Variants in C12orf42 observed in about 807,000 individuals in gnomAD.
C12orf42 encodes chromosome 12 open reading frame 42, also known as uncharacterized protein C12orf42.
Under a neutral mutation model 21.6 loss-of-function variants are expected in C12orf42, and 25 were observed. The ratio of observed to expected loss-of-function variants is 1.16; its 90% CI spans 0.84 to 1.62. The LOEUF (loss-of-function observed/expected upper bound fraction) is 1.62, where lower values mean the gene tolerates loss of function less well. Ranked by LOEUF, C12orf42 falls within the 40% of genes most tolerant of loss-of-function variation. The probability of loss-of-function intolerance (pLI) is 0.00; values close to 1 mark genes in which losing one functional copy is unlikely to be tolerated. For missense variants in C12orf42, 483 were observed against 459.3 expected, an observed-to-expected ratio of 1.05 and a Z score of -0.47; for synonymous variants, 174 against 175.0, an observed-to-expected ratio of 0.99 and a Z score of 0.05.
the C12orf42 span, among the ~76,000 whole-genome samples, chr12:103,145,569 C>T: frequency 1.3e-5 from 2 of 152,196 alleles, no homozygotes; most frequent in Admixed American, 1.3e-4. Context: ...TTTGACATTA[C>T]GTATCAAAAG....
the C12orf42 span, among the ~76,000 whole-genome samples, chr12:103,220,856 C>T: frequency 3.9e-5 from 6 of 152,270 alleles, no homozygotes; most frequent in East Asian, 1.2e-3. Flanking sequence ...TGAACAATTG[C>T]TCAAGGAAGA....
Position 103,306,219 on chromosome 12 carries a change from G to A in C12orf42, c.386C>T (p.Ser129Phe). The A allele has an allele frequency of 6.2e-7, 1 of 1,613,954 alleles. No homozygotes were observed. Residue 129 changes from serine (S) to phenylalanine (F), a missense_variant, in exon 5 of 6, where the codon TCC becomes TTC. Physicochemically the swap from Ser to Phe is radical, Grantham distance 155. Transcript: ENST00000548883. ...FDEESYEEFR[S>F]SPAPSSETDE... Reference sequence around the variant, plus strand: ...AGTTTCACTGGATGGTGCTGGAGAGGAACGGAATTCTTCATAGCTTTCTTC... The same window carrying A: ...AGTTTCACTGGATGGTGCTGGAGAGAAACGGAATTCTTCATAGCTTTCTTC...
intron 2 of C12orf42, among the ~76,000 whole-genome samples, chr12:103,465,784 T>G (rs569923089): frequency 2.6e-4 from 39 of 152,306 alleles, no homozygotes; most frequent in African/African-American, 9.1e-4. Context: ...AATACCTAGT[T>G]TATTGAGAGT....
chr12:103,483,241 T>C (rs1225748869), intron 1 of C12orf42, among the ~76,000 whole-genome samples: 1 of 152,128 alleles, frequency 6.6e-6, no homozygotes, highest in African/African-American at 2.4e-5. Flanking sequence ...TGTAGGTTAA[T>C]CAGTTGTAGC....
chr12:103,209,622 T>C, the C12orf42 span, among the ~76,000 whole-genome samples: 1 of 152,186 alleles, frequency 6.6e-6, no homozygotes, highest in Non-Finnish European at 1.5e-5. Context: ...AGACACAGAA[T>C]TAGGACCGTT....
intron 10 of C12orf42, among the ~76,000 whole-genome samples, chr12:103,258,904 A>T (rs2034751637): frequency 6.6e-6 from 1 of 152,192 alleles, no homozygotes; most frequent in Non-Finnish European, 1.5e-5. Context: ...CGTCAAATTT[A>T]TCTGTCAATT....
At chr12:103,371,639 A>G (rs114833564) in intron 3 of C12orf42, among the ~76,000 whole-genome samples, 2,992 of 152,232 alleles carry the variant, frequency 0.02, 87 homozygotes, top group African/African-American at 0.067. Context: ...AGGGCTTGAG[A>G]GAAAGTGAGA....
downstream of C12orf42, among the ~76,000 whole-genome samples, chr12:103,234,944 C>A (rs114132334): frequency 9.1e-3 from 1,387 of 152,178 alleles, 26 homozygotes; most frequent in African/African-American, 0.032. Context: ...GTAGTCCCAA[C>A]ATTACCGAGG....
chr12:103,436,241 C>G (rs1950698632), intron 2 of C12orf42, among the ~76,000 whole-genome samples: 1 of 149,870 alleles, frequency 6.7e-6, no homozygotes, highest in African/African-American at 2.5e-5. Context: ...TAAAAGAGCT[C>G]CTGAAGGAAG....
the C12orf42 span, among the ~76,000 whole-genome samples, chr12:103,534,493 AC>A: frequency 6.6e-6 from 1 of 152,092 alleles, no homozygotes; most frequent in Non-Finnish European, 1.5e-5. Context: ...TTCACTCCCA[AC>A]CTTGTGTCAC....
At chr12:103,219,055 G>C in the C12orf42 span, among the ~76,000 whole-genome samples, 1 of 152,138 alleles carries the variant, frequency 6.6e-6, no homozygotes, top group Non-Finnish European at 1.5e-5. Context: ...TGGAATGCCA[G>C]GGAGACAGAA....
the C12orf42 span, among the ~76,000 whole-genome samples, chr12:103,197,001 G>T: frequency 5.0e-4 from 76 of 152,230 alleles, no homozygotes; most frequent in Admixed American, 9.2e-4. Context: ...TATAGTTGAT[G>T]TATAGTGTCA....
At chr12:103,205,744 G>A in the C12orf42 span, among the ~76,000 whole-genome samples, 1 of 152,082 alleles carries the variant, frequency 6.6e-6, no homozygotes. Context: ...AGTACAATGG[G>A]TGAATTGGGG....
At chr12:103,199,096 T>C in the C12orf42 span, among the ~76,000 whole-genome samples, 31 of 152,168 alleles carry the variant, frequency 2.0e-4, no homozygotes, top group African/African-American at 7.5e-4. Context: ...ACAGTGTGGT[T>C]CTGGTGGCAA....
chr12:103,256,106 A>G (rs1164050145), intron 10 of C12orf42, among the ~76,000 whole-genome samples: 1 of 38,744 alleles, frequency 2.6e-5, no homozygotes, highest in Non-Finnish European at 5.4e-5. Context: ...ATATATATAT[A>G]TATATACACA....
At chr12:103,152,967 G>A in the C12orf42 span, among the ~76,000 whole-genome samples, 3 of 152,078 alleles carry the variant, frequency 2.0e-5, no homozygotes, top group Non-Finnish European at 4.4e-5. Flanking sequence ...AACTCCAGCA[G>A]TTTTTACTTT....
At chr12:103,075,895 G>A in the C12orf42 span, among the ~76,000 whole-genome samples, 1 of 152,172 alleles carries the variant, frequency 6.6e-6, no homozygotes. Flanking sequence ...TGTTGACTGG[G>A]ACACTTTTTT....
At chr12:103,087,177 T>C in the C12orf42 span, among the ~76,000 whole-genome samples, 1 of 152,200 alleles carries the variant, frequency 6.6e-6, no homozygotes, top group Non-Finnish European at 1.5e-5. Context: ...TGGGTTTCTA[T>C]TGAACTGATC....
chr12:103,116,381 A>AATATATAT, the C12orf42 span, among the ~76,000 whole-genome samples: 6 of 136,708 alleles, frequency 4.4e-5, no homozygotes, highest in African/African-American at 1.6e-4. Flanking sequence ...AAAAAAAAAA[A>AATATATAT]ATATATATAT....
Sources: allele counts gnomAD v4.1 joint callset (sites outside exome capture counted in the v4.1 genomes callset), GRCh38; gene constraint gnomAD v4.1.1; transcripts MANE v1.5; gene names NCBI Gene and HGNC (gene_info 2026-07-23, HGNC 2026-07-21).